The following PPFIBP2 variants were observed in gnomAD, a reference collection of about 807,000 sequenced individuals.
PPFIBP2 encodes liprin-beta-2.
In PPFIBP2, 118 loss-of-function variants were observed where a neutral mutation model predicts 118.3. The observed-to-expected ratio is 1.00, with a 90% confidence interval of 0.86 to 1.16. The LOEUF (loss-of-function observed/expected upper bound fraction) is 1.16, where lower values mean the gene tolerates loss of function less well. Among genes scored for constraint, PPFIBP2 ranks in the 50% most tolerant of loss-of-function variants. The pLI is 0.00. For missense variants in PPFIBP2, 1,195 were observed against 1,073.1 expected, an observed-to-expected ratio of 1.11 and a Z score of -1.59; for synonymous variants, 414 against 397.4, an observed-to-expected ratio of 1.04 and a Z score of -0.50.
At position 7,610,331 on chromosome 11, in the gene PPFIBP2, A is replaced by T; in HGVS notation, c.527A>T (p.Asp176Val). The T allele has an allele frequency of 6.2e-7, 1 of 1,614,210 alleles. No homozygotes were observed. Among genetic ancestry groups the T allele is most frequent in the Non-Finnish European group, 8.5e-7 (1 of 1,180,020 alleles). ...ACATCTCTTGAGACCCAGAAGCTCGATCTGATGACTGAAGTGTCTGAGCTG... is the reference window on the plus strand; with the variant it reads ...ACATCTCTTGAGACCCAGAAGCTCGTTCTGATGACTGAAGTGTCTGAGCTG... ...SRTSLETQKL[D>V]LMTEVSELKL... The change falls in exon 6 of 24, where the codon GAT (aspartate) becomes GTT (valine). Residue 176 changes from aspartate (D) to valine (V), a missense_variant. Transcript: ENST00000299492.
chr11:7,652,704 A>G (rs76392661), intron 23 of PPFIBP2, among the ~76,000 whole-genome samples: 12,197 of 152,268 alleles, frequency 0.08, 1,442 homozygotes, highest in African/African-American at 0.26. Context: ...TTCGCCTCAA[A>G]TGCAGACCTC....
At chr11:7,606,949 C>T (rs1281598493) in intron 5 of PPFIBP2, among the ~76,000 whole-genome samples, 7 of 103,566 alleles carry the variant, frequency 6.8e-5, no homozygotes, top group Admixed American at 1.5e-4. Context: ...CTCACTGTGT[C>T]GCCCAGGCTG....
chr11:7,663,333 AT>A, the PPFIBP2 span, among the ~76,000 whole-genome samples: 1 of 150,478 alleles, frequency 6.6e-6, no homozygotes, highest in Admixed American at 6.6e-5. Flanking sequence ...TTTGGTGTGG[AT>A]GTCCTTTCTG....
Position 7,641,728 on chromosome 11 carries a change from A to G in PPFIBP2, c.1517+108A>G, listed in dbSNP as rs550615092. On this transcript the variant is annotated intron_variant, in intron 16 of 23. Coordinates refer to ENST00000299492, the MANE Select transcript of PPFIBP2 (RefSeq NM_003621.5). The stretch of plus-strand genomic sequence containing the variant: ...CCAATAGACACTGAAACAGCAGTCA[A>G]AACAGAGTGTTCATGTTCAAAGAGA... 2,823 of 1,115,774 alleles carry G rather than the reference A, an allele frequency of 2.5e-3. 23 individuals are homozygous for G. Among genetic ancestry groups the G allele is most frequent in the South Asian group, 0.018 (1,218 of 66,190 alleles). 69.1% of individuals were successfully genotyped at this position (1,115,774 alleles called of 1,614,324 possible).
downstream of PPFIBP2, chr11:7,656,887 C>T: frequency 1.0e-6 from 1 of 986,566 alleles, no homozygotes; most frequent in Non-Finnish European, 1.4e-6. Flanking sequence ...GCCCCCTCTG[C>T]AAGCCCAGTC....
At chr11:7,603,833 C>T (rs141414423) in intron 5 of PPFIBP2, among the ~76,000 whole-genome samples, 1 of 152,202 alleles carries the variant, frequency 6.6e-6, no homozygotes, top group Non-Finnish European at 1.5e-5. Context: ...CATGGTCCAT[C>T]ACAGTAAGTA....
At chr11:7,641,023 T>C in intron 15 of PPFIBP2, 1 of 1,278,278 alleles carries the variant, frequency 7.8e-7, no homozygotes, top group Non-Finnish European at 1.0e-6. Flanking sequence ...TGCTTCTTGG[T>C]TCACTGGAGA....
intron 1 of PPFIBP2, among the ~76,000 whole-genome samples, chr11:7,534,446 A>T (rs1000764420): frequency 4.6e-5 from 7 of 152,282 alleles, no homozygotes; most frequent in African/African-American, 1.7e-4. Context: ...TCTGTTTATG[A>T]TCTGGTTGAG....
chr11:7,559,216 G>A (rs992685529), intron 2 of PPFIBP2, among the ~76,000 whole-genome samples: 4 of 152,192 alleles, frequency 2.6e-5, no homozygotes, highest in African/African-American at 9.7e-5. Context: ...TGAGAAATCT[G>A]GGGGGCAAAT....
chr11:7,573,932 TG>T (rs1198191530), intron 3 of PPFIBP2: 2 of 152,258 alleles, frequency 1.3e-5, no homozygotes, highest in South Asian at 2.1e-4. Context: ...GATAAGATGC[TG>T]CTGATTTCTG....
chr11:7,629,623 C>A, intron 10 of PPFIBP2, 89 bp downstream of exon 10: 1 of 1,303,056 alleles, frequency 7.7e-7, no homozygotes, highest in Non-Finnish European at 1.1e-6. Context: ...GCAGCTGTTT[C>A]ACCTCTGTTT....
intron 14 of PPFIBP2, 27 bp from the exon 15 acceptor site, chr11:7,639,705 C>T (rs1392161101): frequency 9.9e-6 from 16 of 1,613,224 alleles, no homozygotes; most frequent in African/African-American, 1.3e-5. Flanking sequence ...AAGTCGGTAT[C>T]TCTCTCTTTC....
intron 2 of PPFIBP2, among the ~76,000 whole-genome samples, chr11:7,556,676 C>T (rs1853671895): frequency 6.6e-6 from 1 of 152,164 alleles, no homozygotes. Flanking sequence ...ATTTGATAGT[C>T]TGTCAGTAAT....
rs912835876 is a variant in PPFIBP2 at position 7,625,953 on chromosome 11, G to T, written c.826+62G>T. 16 of 1,348,942 alleles carry T rather than the reference G, an allele frequency of 1.2e-5. No individual in the cohort carries two copies. In the African/African-American group the frequency reaches 1.9e-4, roughly 16 times the overall value. 83.6% of individuals were successfully genotyped at this position (1,348,942 alleles called of 1,614,324 possible). On this transcript the variant is annotated intron_variant, in intron 8 of 23. Coordinates refer to ENST00000299492, the MANE Select transcript of PPFIBP2 (RefSeq NM_003621.5). ...GGTCCCTGGGTCTACTCTTATAAGT[G>T]AGCATGTGTTTCTATAAATGAGTGT... is the stretch of plus-strand genomic sequence containing the variant.
At position 7,653,056 on chromosome 11, in the gene PPFIBP2, CAT is replaced by C. The variant is rs1295427540; in HGVS notation, c.2471_2472del (p.Ile824LysfsTer7). The C allele has an allele frequency of 1.9e-6, 3 of 1,612,944 alleles. No individual in the cohort carries two copies. Among genetic ancestry groups the C allele is most frequent in the Non-Finnish European group, 1.7e-6 (2 of 1,179,222 alleles). On this transcript the variant is annotated frameshift_variant, in exon 24 of 24. Transcript: ENST00000299492. LOFTEE classifies it high-confidence loss of function. ...RKLGFSHFGN[I>X]RKKKFDESTD... ...AACTAGGATTTTCACACTTCGGAAA[CAT>C]AAGAAAAAAGAAGTTCGATGAATCG...
At chr11:7,656,515 A>G (rs1854703484), downstream of PPFIBP2, among the ~76,000 whole-genome samples, 1 of 152,218 alleles carries the variant, frequency 6.6e-6, no homozygotes, top group Non-Finnish European at 1.5e-5. Flanking sequence ...TGAAAATAGA[A>G]AATTTATTTC....
intron 17 of PPFIBP2, among the ~76,000 whole-genome samples, chr11:7,644,908 TC>T (rs1219527583): frequency 6.6e-6 from 1 of 150,596 alleles, no homozygotes; most frequent in Admixed American, 6.6e-5. Flanking sequence ...GCGCCTGTAG[TC>T]CCAGCTACTC....
intron 2 of PPFIBP2, among the ~76,000 whole-genome samples, chr11:7,561,522 C>G (rs1854296237): frequency 6.7e-6 from 1 of 149,634 alleles, no homozygotes; most frequent in South Asian, 2.1e-4. Flanking sequence ...GACCTATCTT[C>G]TCTTTGTATT....
Position 7,632,891 on chromosome 11 carries a change from A to C in PPFIBP2, c.1093A>C (p.Thr365Pro), listed in dbSNP as rs775504108. The change falls in exon 12 of 24, where the codon ACA becomes CCA. Residue 365 changes from threonine to proline, a missense_variant. By Grantham distance (38) the Thr-to-Pro change is conservative. Coordinates refer to ENST00000299492, the MANE Select transcript of PPFIBP2 (RefSeq NM_003621.5). ...GATGCCTCCAAGATGTAGCTCTCCT[A>C]CAGTGGGGCCACCTCCATTGCCACA... ...QEMPPRCSSP[T>P]VGPPPLPQKS... 31 of 1,613,770 alleles carry C rather than the reference A, an allele frequency of 1.9e-5. No individual in the cohort carries two copies. The highest frequency in any genetic ancestry group is 2.5e-5 in the Non-Finnish European group (30 of 1,179,816).
Sources: gnomAD v4.1 joint callset for allele counts (sites outside exome capture counted in the v4.1 genomes callset) on GRCh38, gnomAD v4.1.1 for gene constraint, MANE v1.5 for transcripts, NCBI Gene and HGNC (gene_info 2026-07-23, HGNC 2026-07-21) for gene names.